Variants in CCDC178 observed in about 807,000 individuals in gnomAD.
The protein encoded by CCDC178 is coiled-coil domain-containing protein 178.
Under a neutral mutation model 117.4 loss-of-function variants are expected in CCDC178, and 126 were observed. The observed-to-expected ratio is 1.07, with a 90% CI of 0.93 to 1.24. The LOEUF (loss-of-function observed/expected upper bound fraction) is 1.24. Among genes scored for constraint, CCDC178 ranks in the 50% most tolerant of loss-of-function variants. The pLI is 0.00. For missense variants in CCDC178, 1,030 were observed against 986.9 expected (o/e 1.04, Z -0.59); for synonymous variants, 283 against 313.4 (o/e 0.90, Z 1.02).
chr18:33,096,359 TATAAAATTTTTATATTTTATATAAA>T (rs2057544582), intron 20 of CCDC178, among the ~76,000 whole-genome samples: 1 of 144,532 alleles, frequency 6.9e-6, no homozygotes, highest in African/African-American at 2.5e-5. Context: ...TATATAAAAA[TATAAAATTTTTATATTTTATATAAA>T]AATATAAAAA....
chr18:32,946,946 A>AT (rs1013772142), intron 22 of CCDC178, among the ~76,000 whole-genome samples: 6 of 151,376 alleles, frequency 4.0e-5, no homozygotes, highest in Admixed American at 3.3e-4. Context: ...CGCCCGGCTA[A>AT]TTTTTTTGTA....
At chr18:33,213,038 G>T (rs9963357) in intron 19 of CCDC178, among the ~76,000 whole-genome samples, 56 of 151,914 alleles carry the variant, frequency 3.7e-4, no homozygotes, top group African/African-American at 1.3e-3. Context: ...TTTTGGGAAG[G>T]ACTAAACTAA....
At chr18:33,429,523 G>T (rs1050209436) in intron 2 of CCDC178, among the ~76,000 whole-genome samples, 2 of 152,144 alleles carry the variant, frequency 1.3e-5, no homozygotes, top group Non-Finnish European at 1.5e-5. Context: ...AACTGCAAAA[G>T]AATGGCATAT....
chr18:33,042,145 C>T (rs1017412899), intron 21 of CCDC178, among the ~76,000 whole-genome samples: 2 of 151,828 alleles, frequency 1.3e-5, no homozygotes, highest in Non-Finnish European at 2.9e-5. Flanking sequence ...CACCAACTAC[C>T]AACCTACAAA....
intron 21 of CCDC178, among the ~76,000 whole-genome samples, chr18:32,983,002 C>T (rs2055183459): frequency 1.3e-5 from 2 of 151,840 alleles, no homozygotes; most frequent in Non-Finnish European, 1.5e-5. Flanking sequence ...TCAGTTGTAA[C>T]AAATGTACCA....
chr18:33,063,225 C>A (rs2095138438), intron 21 of CCDC178, among the ~76,000 whole-genome samples: 1 of 152,122 alleles, frequency 6.6e-6, no homozygotes. Flanking sequence ...CCAGTGCCAA[C>A]ACATACCTGC....
chr18:33,172,838 T>C (rs1312771197), intron 20 of CCDC178, among the ~76,000 whole-genome samples: 1 of 152,182 alleles, frequency 6.6e-6, no homozygotes, highest in East Asian at 1.9e-4. Context: ...GCATAATTCT[T>C]TCACTTATGA....
At chr18:33,053,775 A>G (rs544312502) in intron 21 of CCDC178, among the ~76,000 whole-genome samples, 1 of 152,314 alleles carries the variant, frequency 6.6e-6, no homozygotes, top group African/African-American at 2.4e-5. Flanking sequence ...ACGCATTTGT[A>G]TCTCAAGTTA....
chr18:33,075,936 T>A (rs2057198481), intron 21 of CCDC178, among the ~76,000 whole-genome samples: 1 of 152,080 alleles, frequency 6.6e-6, no homozygotes, highest in Admixed American at 6.6e-5. Context: ...ACCACTACAC[T>A]CCACCGTGGG....
At chr18:33,181,014 C>A (rs745350299) in intron 20 of CCDC178, among the ~76,000 whole-genome samples, 11 of 151,892 alleles carry the variant, frequency 7.2e-5, no homozygotes, top group Non-Finnish European at 1.2e-4. Flanking sequence ...CTAAAGGCAG[C>A]TTATAGCTTA....
intron 20 of CCDC178, among the ~76,000 whole-genome samples, chr18:33,186,264 C>G (rs1343735411): frequency 6.6e-6 from 1 of 151,912 alleles, no homozygotes; most frequent in Non-Finnish European, 1.5e-5. Flanking sequence ...TAATAAGCTG[C>G]CTTACATGAG....
chr18:33,114,197 A>G (rs927233462), intron 20 of CCDC178, among the ~76,000 whole-genome samples: 3 of 152,060 alleles, frequency 2.0e-5, no homozygotes, highest in Non-Finnish European at 4.4e-5. Flanking sequence ...GTAAACCTGC[A>G]TGAGGAAAGG....
intron 20 of CCDC178, among the ~76,000 whole-genome samples, chr18:33,097,340 G>A (rs1192564637): frequency 6.6e-6 from 1 of 152,120 alleles, no homozygotes; most frequent in Non-Finnish European, 1.5e-5. Flanking sequence ...GAGTGAGTGA[G>A]TCAGCTGAAG....
chr18:33,288,350 G>T (rs150653108), intron 12 of CCDC178, among the ~76,000 whole-genome samples: 1 of 42,614 alleles, frequency 2.3e-5, no homozygotes, highest in Non-Finnish European at 4.3e-5. Context: ...CTCCCCTCCT[G>T]TCCCCTCCTC....
intron 22 of CCDC178, among the ~76,000 whole-genome samples, chr18:32,939,026 A>T (rs978977330): frequency 1.5e-4 from 23 of 152,242 alleles, no homozygotes; most frequent in Non-Finnish European, 3.1e-4. Context: ...AGTGCTATTT[A>T]TAGTCTCTAC....
Position 33,336,383 on chromosome 18 carries a change from C to A in CCDC178, c.659-2989G>T, listed in dbSNP as rs113371113. Among the ~76,000 whole-genome samples, 856 of 152,190 alleles carry A rather than the reference C, an allele frequency of 5.6e-3. 6 individuals are homozygous for A. The highest frequency in any genetic ancestry group is 0.02 in the African/African-American group (826 of 41,544). On this transcript the variant is annotated intron_variant, in intron 9 of 22. Coordinates refer to ENST00000383096, the MANE Select transcript of CCDC178 (RefSeq NM_001105528.4). ...CAGGGTTTCAAGGATTCCCCCAGGG[C>A]TAAATCTAACACTGATGTCTATTTA...
intron 15 of CCDC178, among the ~76,000 whole-genome samples, chr18:33,241,081 G>GAAAGGACA (rs1395629461): frequency 1.3e-5 from 2 of 151,766 alleles, no homozygotes; most frequent in African/African-American, 4.8e-5. Context: ...ATCAGCAGAA[G>GAAAGGACA]AAAGGACAAA....
At chr18:33,185,631 A>C (rs997181576) in intron 20 of CCDC178, among the ~76,000 whole-genome samples, 1 of 152,088 alleles carries the variant, frequency 6.6e-6, no homozygotes, top group Admixed American at 6.6e-5. Flanking sequence ...AGATCGCAGT[A>C]AACAAATATA....
chr18:33,216,576 T>C (rs192507680), intron 18 of CCDC178, among the ~76,000 whole-genome samples: 1 of 152,188 alleles, frequency 6.6e-6, no homozygotes, highest in East Asian at 1.9e-4. Context: ...GCCTCCACTA[T>C]CTTCTATTTT....
Sources: allele counts gnomAD v4.1 joint callset (sites outside exome capture counted in the v4.1 genomes callset), GRCh38; gene constraint gnomAD v4.1.1; transcripts MANE v1.5; gene names NCBI Gene and HGNC (gene_info 2026-07-23, HGNC 2026-07-21).